Variants in BICRA observed in about 807,000 individuals in gnomAD.
BICRA encodes the protein BRD4-interacting chromatin-remodeling complex-associated protein.
Under a neutral mutation model 96.9 loss-of-function variants are expected in BICRA, and 31 were observed. That is an observed-to-expected ratio of 0.32 (90% confidence interval 0.24 to 0.43). The LOEUF is 0.43. Ranked by LOEUF, BICRA falls within the 20% of genes least tolerant of loss-of-function variation. The probability of loss-of-function intolerance (pLI) is 1.00; values close to 1 mark genes in which losing one functional copy is unlikely to be tolerated. For synonymous variants in BICRA, 1,350 were observed against 1,071.8 expected (o/e 1.26, Z -5.07); for missense variants, 2,283 against 2,190.3 (o/e 1.04, Z -0.84).
intron 1 of BICRA, among the ~76,000 whole-genome samples, chr19:47,654,949 G>A (rs1264326036): frequency 6.6e-6 from 1 of 152,054 alleles, no homozygotes; most frequent in African/African-American, 2.4e-5. Context: ...TCATGTGCAG[G>A]GGGTCCTCAT....
chr19:47,684,022 T>A (rs1175428498), intron 7 of BICRA, among the ~76,000 whole-genome samples: 1 of 152,332 alleles, frequency 6.6e-6, no homozygotes, highest in East Asian at 1.9e-4. Context: ...GGCCATGGTT[T>A]CACTTGCACG....
chr19:47,624,364 C>G (rs2123514230), intron 1 of BICRA, among the ~76,000 whole-genome samples: 1 of 152,236 alleles, frequency 6.6e-6, no homozygotes, highest in Non-Finnish European at 1.5e-5. Flanking sequence ...AGGTTCTAGA[C>G]AGTGCAGTAA....
chr19:47,612,304 A>G (rs979933858), intron 1 of BICRA, among the ~76,000 whole-genome samples: 1 of 151,896 alleles, frequency 6.6e-6, no homozygotes, highest in Non-Finnish European at 1.5e-5. Flanking sequence ...GGTCCTAGCT[A>G]CTTGGGGGTG....
chr19:47,668,431 A>G (rs1463508483), intron 1 of BICRA, among the ~76,000 whole-genome samples: 3 of 151,824 alleles, frequency 2.0e-5, no homozygotes, highest in Non-Finnish European at 4.4e-5. Flanking sequence ...TCAAATTGCA[A>G]AGCAGTGTCG....
chr19:47,611,393 AG>A (rs1331175496), intron 1 of BICRA, among the ~76,000 whole-genome samples: 1 of 152,050 alleles, frequency 6.6e-6, no homozygotes, highest in East Asian at 1.9e-4. Context: ...TGAGAACTGA[AG>A]GTGTGTGAGG....
At chr19:47,648,811 T>C (rs1484216725) in intron 1 of BICRA, among the ~76,000 whole-genome samples, 1 of 150,886 alleles carries the variant, frequency 6.6e-6, no homozygotes. Flanking sequence ...CTCAGCCCCC[T>C]GAGTAGCTGG....
In BICRA at chr19:47,680,749, G is replaced by C; in HGVS notation, c.1579G>C (p.Gly527Arg). Residue 527 changes from glycine to arginine, a missense_variant, in exon 6 of 15, where the codon GGC becomes CGC. Physicochemically the swap from Gly to Arg is moderately radical, Grantham distance 125. Transcript: ENST00000594866. ...NQNLAGPLSL[G>R]PVLAPHSGAH... ...GAACCTGGCGGGCCCACTGAGCCTG[G>C]GCCCCGTGTTGGCCCCCCACTCCGG... The C allele has an allele frequency of 6.2e-7, 1 of 1,608,610 alleles. No individual in the cohort carries two copies. Among genetic ancestry groups the C allele is most frequent in the South Asian group, 1.1e-5 (1 of 90,600 alleles).
chr19:47,657,490 A>G (rs983146375), intron 1 of BICRA, among the ~76,000 whole-genome samples: 1 of 149,938 alleles, frequency 6.7e-6, no homozygotes, highest in African/African-American at 2.5e-5. Flanking sequence ...TCCGCCTCAC[A>G]GGTTCATGGC....
intron 7 of BICRA, among the ~76,000 whole-genome samples, chr19:47,692,819 C>T (rs1175785106): frequency 6.6e-6 from 1 of 152,194 alleles, no homozygotes; most frequent in Non-Finnish European, 1.5e-5. Context: ...AATCTGATGT[C>T]ATGCCGAGAT....
chr19:47,635,027 G>T (rs990743156), intron 1 of BICRA, among the ~76,000 whole-genome samples: 1 of 152,054 alleles, frequency 6.6e-6, no homozygotes, highest in Non-Finnish European at 1.5e-5. Flanking sequence ...CTCCCAAAGT[G>T]CTGGGATTAC....
At chr19:47,665,741 G>A (rs912350716) in intron 1 of BICRA, among the ~76,000 whole-genome samples, 1 of 152,234 alleles carries the variant, frequency 6.6e-6, no homozygotes, top group African/African-American at 2.4e-5. Flanking sequence ...GGTGCACACA[G>A]TGCAGGTGCC....
rs1452767403 is a variant in BICRA, at chr19:47,681,035, A to T, written c.1865A>T (p.Gln622Leu). 7.0e-7 allele frequency: 1 copy of T among 1,423,834 alleles called. No individual in the cohort carries two copies. Among genetic ancestry groups the T allele is most frequent in the South Asian group, 1.4e-5 (1 of 69,842 alleles). The allele number at this position is 1,423,834 out of a possible 1,614,324, so 88.2% of individuals were successfully genotyped here. A position where few individuals can be genotyped will look rare whatever the true frequency, so the allele number is the denominator to read the frequency against. Residue 622 changes from glutamine to leucine, a missense_variant, in exon 6 of 15, where the codon CAG becomes CTG. Physicochemically the swap from Gln to Leu is moderately radical, Grantham distance 113 (BLOSUM62 -2). Coordinates refer to ENST00000594866, the MANE Select transcript of BICRA (RefSeq NM_001394372.1). ...TGEAAPVLTV[Q>L]PAPQAPPAVS... ...GAGGCCGCGCCTGTCCTCACGGTGC[A>T]GCCTGCCCCCCAGGCGCCCCCCGCG...
At chr19:47,672,575 AAG>A (rs1193468075) in intron 2 of BICRA, among the ~76,000 whole-genome samples, 2 of 110,796 alleles carry the variant, frequency 1.8e-5, no homozygotes, top group Non-Finnish European at 3.5e-5. Context: ...AAAGATAAAG[AAG>A]TGGATGGATG....
chr19:47,616,592 T>A (rs1001957985), intron 1 of BICRA, among the ~76,000 whole-genome samples: 5 of 150,208 alleles, frequency 3.3e-5, no homozygotes, highest in African/African-American at 9.8e-5. Flanking sequence ...TGAGCTGAGA[T>A]CGCACGATTG....
At chr19:47,657,826 C>T (rs374881794) in intron 1 of BICRA, among the ~76,000 whole-genome samples, 2 of 152,066 alleles carry the variant, frequency 1.3e-5, no homozygotes, top group African/African-American at 4.8e-5. Flanking sequence ...GGCTTTAATT[C>T]TCTTCTGGGA....
At chr19:47,658,175 C>T (rs116870885) in intron 1 of BICRA, among the ~76,000 whole-genome samples, 55 of 152,222 alleles carry the variant, frequency 3.6e-4, no homozygotes, top group Non-Finnish European at 6.6e-4. Context: ...AGTTTCTGGC[C>T]AAGGAGCAGG....
At chr19:47,625,651 A>G (rs1972129326) in intron 1 of BICRA, among the ~76,000 whole-genome samples, 1 of 151,982 alleles carries the variant, frequency 6.6e-6, no homozygotes, top group Admixed American at 6.6e-5. Flanking sequence ...GGCTTAGGAG[A>G]GAAAAGGAAA....
chr19:47,683,312 A>T (rs928326194), intron 7 of BICRA, among the ~76,000 whole-genome samples: 5 of 151,398 alleles, frequency 3.3e-5, no homozygotes, highest in African/African-American at 1.2e-4. Context: ...GAACTTGGCC[A>T]ATCTAGATAG....
intron 1 of BICRA, among the ~76,000 whole-genome samples, chr19:47,648,166 T>C (rs1341214905): frequency 3.3e-5 from 5 of 152,012 alleles, no homozygotes; most frequent in African/African-American, 1.2e-4. Flanking sequence ...TCTGTGCCGA[T>C]GCCCAGTTGA....
Sources: gnomAD v4.1 joint callset for allele counts (sites outside exome capture counted in the v4.1 genomes callset) on GRCh38, gnomAD v4.1.1 for gene constraint, MANE v1.5 for transcripts, NCBI Gene and HGNC (gene_info 2026-07-23, HGNC 2026-07-21) for gene names.